Variants in SERPINB2 observed in about 807,000 individuals in gnomAD.
SERPINB2 encodes serpin family B member 2.
Under a neutral mutation model 39.4 loss-of-function variants are expected in SERPINB2, and 28 were observed. That is an observed-to-expected ratio of 0.71 (90% confidence interval 0.53 to 0.97). SERPINB2 has a LOEUF of 0.97. SERPINB2 is among the 50% of genes least tolerant of loss of function. The pLI is 0.00. For synonymous variants in SERPINB2, 209 were observed against 175.1 expected, an observed-to-expected ratio of 1.19 and a Z score of -1.53; for missense variants, 557 against 505.3, an observed-to-expected ratio of 1.10 and a Z score of -0.98.
At chr18:63,892,237 G>A (rs2049931371) in intron 2 of SERPINB2, among the ~76,000 whole-genome samples, 1 of 152,134 alleles carries the variant, frequency 6.6e-6, no homozygotes, top group Non-Finnish European at 1.5e-5. Flanking sequence ...CATTATTATG[G>A]CCAGCCCTGA....
At chr18:63,897,560 AG>A (rs1568236902) in intron 4 of SERPINB2, among the ~76,000 whole-genome samples, 166 bp from the exon 5 acceptor site, 1 of 151,906 alleles carries the variant, frequency 6.6e-6, no homozygotes, top group East Asian at 1.9e-4. Context: ...GCGTGGACAA[AG>A]GGGTCTGCAC....
At position 63,897,866 on chromosome 18, in the gene SERPINB2, A is replaced by G. The variant is rs1200988674; in HGVS notation, c.535+22A>G. The G allele has an allele frequency of 2.1e-6, 3 of 1,446,466 alleles. No homozygotes were observed. The East Asian group carries it at 6.8e-5, about 33-fold the overall frequency. 89.6% of individuals were successfully genotyped at this position (1,446,466 alleles called of 1,614,324 possible). On this transcript the variant is annotated intron_variant, in intron 5 of 7. Transcript: ENST00000299502. Reference sequence around the variant, plus strand: ...AAAGGTAAATCCAAGAAAATATTTTATTTACTTCTTTCCAGTTAGAAAACT... The same window carrying G: ...AAAGGTAAATCCAAGAAAATATTTTGTTTACTTCTTTCCAGTTAGAAAACT...
At chr18:63,895,961 C>A (rs1459293259) in intron 3 of SERPINB2, among the ~76,000 whole-genome samples, 1 of 152,150 alleles carries the variant, frequency 6.6e-6, no homozygotes, top group Non-Finnish European at 1.5e-5. Flanking sequence ...ATCTATTTAT[C>A]AATCAGCTAT....
intron 2 of SERPINB2, chr18:63,892,576 A>T (rs1347755969): frequency 6.6e-6 from 1 of 152,222 alleles, no homozygotes; most frequent in Non-Finnish European, 1.5e-5. Context: ...ATGCAGTCAC[A>T]CCAAGATGCC....
intron 2 of SERPINB2, 33 bp downstream of exon 2, chr18:63,891,645 G>A (rs749000373): frequency 1.3e-6 from 2 of 1,594,922 alleles, no homozygotes; most frequent in Non-Finnish European, 1.7e-6. Context: ...CATTTGGGCC[G>A]AGTAGTTCCT....
chr18:63,901,311 C>T lies in SERPINB2; in HGVS notation c.536-429C>T, dbSNP rs188162434. 2.4e-4 allele frequency among the ~76,000 whole-genome samples: 37 copies of T among 152,160 alleles called. No homozygotes were observed. The East Asian group carries it at 4.2e-3, about 17-fold the overall frequency. On this transcript the variant is annotated intron_variant, in intron 5 of 7. Transcript: ENST00000299502. ...TAGGTCTAGTATATTTTTTACAAAA[C>T]GTTTTTGAATAAATGAGTAAGTCAG...
At chr18:63,900,665 G>A (rs2049986074) in intron 5 of SERPINB2, among the ~76,000 whole-genome samples, 1 of 152,082 alleles carries the variant, frequency 6.6e-6, no homozygotes, top group Non-Finnish European at 1.5e-5. Context: ...AGAAAGAGGT[G>A]GTAACTCCAA....
In SERPINB2 at chr18:63,895,189, C is replaced by T. The variant is rs568919651; in HGVS notation, c.169-75C>T. The T allele has an allele frequency of 3.5e-5, 55 of 1,577,296 alleles. 1 individual carries two copies. Among genetic ancestry groups the T allele is most frequent in the Admixed American group, 3.4e-4 (19 of 55,394 alleles). On this transcript the variant is annotated intron_variant, in intron 2 of 7. Transcript: ENST00000299502. Reference sequence around the variant, plus strand: ...AAGATCTAGGACCATTTTAGAGCCACCTGATAGCCATCTGTTTTAAAAGTT... The same window carrying T: ...AAGATCTAGGACCATTTTAGAGCCATCTGATAGCCATCTGTTTTAAAAGTT...
intron 2 of SERPINB2, among the ~76,000 whole-genome samples, chr18:63,894,142 G>A (rs1294950648): frequency 2.0e-5 from 3 of 152,146 alleles, no homozygotes; most frequent in African/African-American, 7.2e-5. Context: ...ATCTCCCTGA[G>A]TGACTTTAAC....
At position 63,903,337 on chromosome 18, in the gene SERPINB2, TG is replaced by T. The variant is rs1283956982; in HGVS notation, c.*33del. 28 of 1,479,492 alleles carry T rather than the reference TG, an allele frequency of 1.9e-5. No individual in the cohort carries two copies. The highest frequency in any genetic ancestry group is 2.4e-5 in the Non-Finnish European group (27 of 1,115,868). 91.6% of individuals were successfully genotyped at this position (1,479,492 alleles called of 1,614,324 possible). On this transcript the variant is annotated 3_prime_UTR_variant, in exon 8 of 8. Transcript: ENST00000299502. Reference sequence around the variant, plus strand: ...GCGTGCTGCTTCTGCAAAAGATTTTTGTAGATGAGCTGTGTGCCTCAGAATT... The same window carrying T: ...GCGTGCTGCTTCTGCAAAAGATTTTTTAGATGAGCTGTGTGCCTCAGAATT...
At chr18:63,890,926 C>G (rs1396925303) in intron 1 of SERPINB2, 1 of 153,066 alleles carries the variant, frequency 6.5e-6, no homozygotes, top group East Asian at 1.9e-4. Context: ...GCATATATTT[C>G]AATATGTGTA....
chr18:63,893,892 G>A (rs868857707), intron 2 of SERPINB2, among the ~76,000 whole-genome samples: 2 of 152,160 alleles, frequency 1.3e-5, no homozygotes, highest in Middle Eastern at 3.2e-3. Context: ...GGGAATCAGG[G>A]CAAGAAGAGG....
At position 63,897,206 on chromosome 18, in the gene SERPINB2, C is replaced by T. The variant is rs147504740; in HGVS notation, c.404C>T (p.Ala135Val). Residue 135 changes from alanine to valine, a missense_variant, in exon 4 of 8, where the codon GCG becomes GTG. By Grantham distance (64) the Ala-to-Val change is moderately conservative. Coordinates refer to ENST00000299502, the MANE Select transcript of SERPINB2 (RefSeq NM_002575.3). ...SVNKLFGEKSASFREEYIRLC... is the reference protein window; with the variant it reads ...SVNKLFGEKSVSFREEYIRLC... ...AATAAGCTGTTTGGTGAGAAGTCTG[C>T]GAGCTTCCGGGAAGTAAGTGAAACC... 1.2e-5 allele frequency: 20 copies of T among 1,607,804 alleles called. No individual in the cohort carries two copies. Among genetic ancestry groups the T allele is most frequent in the Admixed American group, 3.4e-5 (2 of 58,562 alleles).
chr18:63,891,624 CTGAAGCT>C lies in SERPINB2; in HGVS notation c.168+13_168+19del. The C allele has an allele frequency of 6.2e-7, 1 of 1,609,626 alleles. No homozygotes were observed. The highest frequency in any genetic ancestry group is 2.2e-5 in the East Asian group (1 of 44,760). ...ACCAGATGGCCAAGGTGAGTTTGAGCTGAAGCTCCACATTTGGGCCGAGTAGTTCCTG... is the reference window on the plus strand; with the variant it reads ...ACCAGATGGCCAAGGTGAGTTTGAGCCCACATTTGGGCCGAGTAGTTCCTG... On this transcript the variant is annotated intron_variant, in intron 2 of 7. Coordinates refer to ENST00000299502, the MANE Select transcript of SERPINB2 (RefSeq NM_002575.3).
chr18:63,888,826 A>G (rs556274892), intron 1 of SERPINB2, among the ~76,000 whole-genome samples: 43 of 152,346 alleles, frequency 2.8e-4, no homozygotes, highest in Middle Eastern at 3.4e-3. Context: ...TAATGAGATC[A>G]TATAAATTAC....
At chr18:63,898,278 C>G (rs1469821573) in intron 5 of SERPINB2, among the ~76,000 whole-genome samples, 1 of 152,190 alleles carries the variant, frequency 6.6e-6, no homozygotes, top group East Asian at 1.9e-4. Flanking sequence ...TCTTTCTTCT[C>G]TTTCACCATT....
intron 1 of SERPINB2, among the ~76,000 whole-genome samples, chr18:63,888,112 GAAACAA>G (rs1349587241): frequency 6.6e-6 from 1 of 152,020 alleles, no homozygotes; most frequent in African/African-American, 2.4e-5. Context: ...AAATTTGATG[GAAACAA>G]CTAGATACAT....
At chr18:63,894,158 T>A (rs1367800942) in intron 2 of SERPINB2, among the ~76,000 whole-genome samples, 1 of 152,162 alleles carries the variant, frequency 6.6e-6, no homozygotes, top group East Asian at 1.9e-4. Flanking sequence ...TTAACACTGA[T>A]TCAGGAAGGC....
At chr18:63,895,474 A>G in intron 3 of SERPINB2, 91 bp downstream of exon 3, 1 of 1,474,044 alleles carries the variant, frequency 6.8e-7, no homozygotes, top group Non-Finnish European at 9.4e-7. Context: ...GAAGGAAGCG[A>G]ATATACCCTC....
Sources: allele counts gnomAD v4.1 joint callset (sites outside exome capture counted in the v4.1 genomes callset), GRCh38; gene constraint gnomAD v4.1.1; transcripts MANE v1.5; gene names NCBI Gene and HGNC (gene_info 2026-07-23, HGNC 2026-07-21).